KLKB1: variants seen among roughly 807,000 people sequenced by gnomAD.
KLKB1 encodes kallikrein B1.
KLKB1 carries 58 observed loss-of-function variants against 73.6 expected under a neutral mutation model. The observed-to-expected ratio is 0.79, with a 90% CI of 0.64 to 0.98. The LOEUF is 0.98. Among genes scored for constraint, KLKB1 ranks in the 50% least tolerant of loss-of-function variants. The pLI, the probability that KLKB1 is intolerant of heterozygous loss-of-function variation, is 0.00. For missense variants in KLKB1, 737 were observed against 763.8 expected, an observed-to-expected ratio of 0.96 and a Z score of 0.41; for synonymous variants, 280 against 258.1, an observed-to-expected ratio of 1.08 and a Z score of -0.81.
In KLKB1 at chr4:186,252,391, C is replaced by T. The variant is rs546489600; in HGVS notation, c.1313+206C>T. The stretch of plus-strand genomic sequence containing the variant: ...TGTGGTCTCTGTACAGGGCAGATGG[C>T]GCTGAGTGGGTATTCTCCACAGAAA... On this transcript the variant is annotated intron_variant, in intron 11 of 14. Transcript: ENST00000264690. Among the ~76,000 whole-genome samples the T allele has an allele frequency of 1.1e-4, 16 of 152,240 alleles. 1 individual carries two copies. The highest frequency in any genetic ancestry group is 5.2e-4 in the Admixed American group (8 of 15,280).
chr4:186,226,624 G>C (rs1316430657), upstream of KLKB1: 4 of 152,460 alleles, frequency 2.6e-5, no homozygotes, highest in Non-Finnish European at 1.5e-5. Context: ...GCAGGGGCCA[G>C]CCTAACATGG....
chr4:186,252,146 G>A lies in KLKB1; in HGVS notation c.1274G>A (p.Gly425Glu). The part of the protein sequence containing the change: ...QRHLCGGSLI[G>E]HQWVLTAAHC... The stretch of plus-strand genomic sequence containing the variant: ...CACCTGTGTGGAGGGTCACTCATAG[G>A]ACACCAGTGGGTCCTCACTGCTGCC... The change falls in exon 11 of 15, where the codon GGA becomes GAA. Residue 425 changes from glycine to glutamate, a missense_variant. Gly to Glu is a moderately conservative substitution (Grantham distance 98). Coordinates refer to ENST00000264690, the MANE Select transcript of KLKB1 (RefSeq NM_000892.5). 1.2e-6 allele frequency: 2 copies of A among 1,613,916 alleles called. No individual in the cohort carries two copies. Among genetic ancestry groups the A allele is most frequent in the Non-Finnish European group, 1.7e-6 (2 of 1,180,040 alleles).
chr4:186,247,189 G>A (rs922100217), intron 6 of KLKB1, among the ~76,000 whole-genome samples: 3 of 152,126 alleles, frequency 2.0e-5, no homozygotes, highest in African/African-American at 4.8e-5. Flanking sequence ...CCCAAGGGAG[G>A]TCCCCTGATC....
intron 2 of KLKB1, among the ~76,000 whole-genome samples, chr4:186,218,298 A>G (rs1036847657): frequency 1.3e-5 from 2 of 152,180 alleles, no homozygotes; most frequent in African/African-American, 2.4e-5. Flanking sequence ...ATATCCCTCT[A>G]GGAGGAGCTA....
In KLKB1 at chr4:186,228,186, C is replaced by G; in HGVS notation, c.-1-9C>G. ...AACCAGCAGAGTTATGTATTGTTTT[C>G]TTTTTTAGAATGATTTTATTCAAGC... On this transcript the variant is annotated splice_polypyrimidine_tract_variant and intron_variant, in intron 1 of 14. Coordinates refer to ENST00000264690, the MANE Select transcript of KLKB1 (RefSeq NM_000892.5). The G allele has an allele frequency of 6.7e-7, 1 of 1,496,370 alleles. No homozygotes were observed. Among genetic ancestry groups the G allele is most frequent in the Non-Finnish European group, 9.3e-7 (1 of 1,073,422 alleles). 92.7% of individuals were successfully genotyped at this position (1,496,370 alleles called of 1,614,324 possible).
intron 2 of KLKB1, among the ~76,000 whole-genome samples, chr4:186,231,035 C>T (rs773904347): frequency 3.3e-5 from 5 of 152,150 alleles, no homozygotes; most frequent in Non-Finnish European, 5.9e-5. Context: ...GAGAGGCAGT[C>T]TTGTTGGGTT....
chr4:186,248,839 T>C (rs1460431646), intron 6 of KLKB1, among the ~76,000 whole-genome samples: 1 of 152,220 alleles, frequency 6.6e-6, no homozygotes, highest in South Asian at 2.1e-4. Context: ...ACAACACTTG[T>C]TATTGTCTTT....
At chr4:186,220,085 A>G (rs1406508287) in intron 2 of KLKB1, among the ~76,000 whole-genome samples, 1 of 151,926 alleles carries the variant, frequency 6.6e-6, no homozygotes, top group Non-Finnish European at 1.5e-5. Flanking sequence ...TCCCTCTGAA[A>G]CTAACACAAC....
rs567596989 is a variant in KLKB1 at position 186,233,160 on chromosome 4, G to A, written c.222-792G>A. 1.0e-3 allele frequency among the ~76,000 whole-genome samples: 152 copies of A among 152,290 alleles called. 1 individual carries two copies. The highest frequency in any genetic ancestry group is 3.6e-3 in the African/African-American group (151 of 41,558). On this transcript the variant is annotated intron_variant, in intron 3 of 14. Coordinates refer to ENST00000264690, the MANE Select transcript of KLKB1 (RefSeq NM_000892.5). ...GAACTCCTGACCTCGTGATCCACCT[G>A]CCTCTACCTCCTAATGTGCTGGGAT...
intron 2 of KLKB1, among the ~76,000 whole-genome samples, chr4:186,219,549 G>A (rs1736986938): frequency 6.6e-6 from 1 of 152,124 alleles, no homozygotes; most frequent in African/African-American, 2.4e-5. Context: ...TATTTTCTTA[G>A]TACAAGTGTA....
chr4:186,217,380 A>G (rs1023943331), intron 2 of KLKB1, among the ~76,000 whole-genome samples: 6 of 152,154 alleles, frequency 3.9e-5, no homozygotes, highest in African/African-American at 1.4e-4. Context: ...CAAAGTGGAG[A>G]GATTTGTTGA....
intron 3 of KLKB1, among the ~76,000 whole-genome samples, chr4:186,233,450 G>A (rs980728744): frequency 2.0e-5 from 3 of 152,126 alleles, no homozygotes; most frequent in Non-Finnish European, 4.4e-5. Flanking sequence ...TGTATGTGAG[G>A]ATCATCATAT....
chr4:186,250,292 TG>T lies in KLKB1; in HGVS notation c.649del (p.Ala217ProfsTer66). On this transcript the variant is annotated frameshift_variant, in exon 7 of 15. Transcript: ENST00000264690. LOFTEE classifies it high-confidence loss of function. ...QHLAFSDVDV[A>X]RVLTPDAFVC... ...ATCTTGCGTTCTCAGATGTGGATGT[TG>T]CCAGGGTTCTCACTCCAGATGCTTT... The T allele has an allele frequency of 2.5e-6, 4 of 1,614,174 alleles. No homozygotes were observed. Among genetic ancestry groups the T allele is most frequent in the Non-Finnish European group, 3.4e-6 (4 of 1,180,000 alleles).
intron 6 of KLKB1, among the ~76,000 whole-genome samples, chr4:186,248,595 A>ATTTTTTTTTTTTTTTTTTTTTTTTTT (rs138717531): frequency 2.6e-5 from 3 of 114,916 alleles, no homozygotes; most frequent in Admixed American, 9.3e-5. Context: ...TTGTTTCTGG[A>ATTTTTTTTTTTTTTTTTTTTTTTTTT]TTTTTTTTTT....
At chr4:186,213,762 A>G (rs1031862160) in intron 2 of KLKB1, among the ~76,000 whole-genome samples, 4 of 152,236 alleles carry the variant, frequency 2.6e-5, no homozygotes, top group African/African-American at 9.6e-5. Context: ...TGACCCAATA[A>G]GAGATGCTGG....
chr4:186,248,275 A>AT (rs1172280099), intron 6 of KLKB1, among the ~76,000 whole-genome samples: 2 of 151,960 alleles, frequency 1.3e-5, no homozygotes, highest in African/African-American at 4.8e-5. Flanking sequence ...ATAAAATAAA[A>AT]AAAAAAAAGA....
intron 6 of KLKB1, among the ~76,000 whole-genome samples, chr4:186,241,931 G>A (rs763900066): frequency 4.6e-5 from 7 of 152,196 alleles, no homozygotes; most frequent in Non-Finnish European, 8.8e-5. Context: ...TTAGGACATT[G>A]GGCTGAAGTA....
At chr4:186,224,078 A>G (rs1456704692), upstream of KLKB1, among the ~76,000 whole-genome samples, 2 of 152,230 alleles carry the variant, frequency 1.3e-5, no homozygotes, top group Non-Finnish European at 2.9e-5. Flanking sequence ...GGTGGCTTCC[A>G]CGTGCTCTTG....
intron 2 of KLKB1, among the ~76,000 whole-genome samples, chr4:186,214,339 G>A (rs544910133): frequency 1.4e-4 from 21 of 152,262 alleles, no homozygotes; most frequent in Admixed American, 6.5e-4. Flanking sequence ...GTATATTGCC[G>A]TTTGCTTAAA....
Sources: allele counts gnomAD v4.1 joint callset (sites outside exome capture counted in the v4.1 genomes callset), GRCh38; gene constraint gnomAD v4.1.1; transcripts MANE v1.5; gene names NCBI Gene and HGNC (gene_info 2026-07-23, HGNC 2026-07-21).